Variants in VPS26A observed in about 807,000 individuals in gnomAD.
VPS26A encodes VPS26 retromer complex component A, also known as vacuolar protein sorting-associated protein 26A.
VPS26A carries 22 observed loss-of-function variants against 42.4 expected under a neutral mutation model. That is an observed-to-expected ratio of 0.52 (90% CI 0.37 to 0.74). The LOEUF (loss-of-function observed/expected upper bound fraction) is 0.74, where lower values mean the gene tolerates loss of function less well. Among genes scored for constraint, VPS26A ranks in the 30% least tolerant of loss-of-function variants. The pLI is 0.00. For missense variants in VPS26A, 276 were observed against 379.2 expected (o/e 0.73, Z 2.26); for synonymous variants, 110 against 123.5 (o/e 0.89, Z 0.73).
chr10:69,164,805 ATGTATCACC>A (rs1411300594), intron 6 of VPS26A, among the ~76,000 whole-genome samples: 1 of 152,132 alleles, frequency 6.6e-6, no homozygotes, highest in Non-Finnish European at 1.5e-5. Flanking sequence ...GAGGTGAGGT[ATGTATCACC>A]TTTACTTTTT....
intron 2 of VPS26A, among the ~76,000 whole-genome samples, chr10:69,148,234 T>C (rs1841208361): frequency 6.6e-6 from 1 of 152,258 alleles, no homozygotes; most frequent in African/African-American, 2.4e-5. Flanking sequence ...TTCTCTACTT[T>C]CATTTGTAAG....
At position 69,174,146 on chromosome 10, in the gene VPS26A, TTGC is replaced by T. The variant is rs1841881298; in HGVS notation, c.*2885_*2887del. Among the ~76,000 whole-genome samples the T allele has an allele frequency of 6.6e-6, 1 of 152,234 alleles. No individual in the cohort carries two copies. The highest frequency in any genetic ancestry group is 2.1e-4 in the South Asian group (1 of 4,834). On this transcript the variant is annotated 3_prime_UTR_variant, in exon 9 of 9. Transcript: ENST00000263559. The stretch of plus-strand genomic sequence containing the variant: ...GTTCTTTCACTCTTCACGATACATC[TTGC>T]TGCTGCTCACTCTGGGCCTGTGCCA...
intron 7 of VPS26A, among the ~76,000 whole-genome samples, chr10:69,167,444 GAAAAAA>G (rs148169430): frequency 0.081 from 6,252 of 77,490 alleles, 452 homozygotes; most frequent in African/African-American, 0.2. Context: ...AAAAGAAAAA[GAAAAAA>G]AAAAGCCAGG....
At position 69,158,137 on chromosome 10, in the gene VPS26A, T is replaced by C; in HGVS notation, c.477T>C (p.Asp159=). ...TTCACCAGCTTGCCACCTATCCTGA[T>C]GTTAACAACTCTATTAAGATGGAAG... ...LIVHQLATYP[D]VNNSIKMEVG... The change falls in exon 5 of 9, where the codon GAT becomes GAC. Residue 159 remains aspartate (D), a synonymous_variant. Coordinates refer to ENST00000263559, the MANE Select transcript of VPS26A (RefSeq NM_004896.5). 6.2e-7 allele frequency: 1 copy of C among 1,613,272 alleles called. No homozygotes were observed. The highest frequency in any genetic ancestry group is 1.7e-5 in the Admixed American group (1 of 59,930).
At chr10:69,164,880 G>T (rs965954399) in intron 6 of VPS26A, among the ~76,000 whole-genome samples, 38 of 150,478 alleles carry the variant, frequency 2.5e-4, no homozygotes, top group South Asian at 6.2e-4. Context: ...CCTGCTTTTT[G>T]ATTTTAATAT....
At chr10:69,136,860 C>T (rs902096728) in intron 2 of VPS26A, among the ~76,000 whole-genome samples, 13 of 151,850 alleles carry the variant, frequency 8.6e-5, no homozygotes, top group South Asian at 2.1e-4. Flanking sequence ...GGCGTGATCT[C>T]GGCTCACTGC....
chr10:69,154,901 G>A (rs569415831), intron 2 of VPS26A, among the ~76,000 whole-genome samples: 8 of 151,900 alleles, frequency 5.3e-5, no homozygotes, highest in African/African-American at 1.7e-4. Context: ...GCGCACGTGC[G>A]TGCACATATA....
intron 2 of VPS26A, among the ~76,000 whole-genome samples, chr10:69,142,045 G>A (rs1445478558): frequency 4.0e-5 from 6 of 151,770 alleles, no homozygotes; most frequent in African/African-American, 1.5e-4. Flanking sequence ...CACCACGCCC[G>A]GCTAATTTTT....
chr10:69,162,940 AAAG>A (rs1361186882), intron 6 of VPS26A, among the ~76,000 whole-genome samples: 1 of 152,122 alleles, frequency 6.6e-6, no homozygotes, highest in African/African-American at 2.4e-5. Context: ...ATTCCAAAAA[AAAG>A]AAAAACAAAA....
chr10:69,149,971 C>G lies in VPS26A; in HGVS notation c.154-5841C>G, dbSNP rs1278804478. On this transcript the variant is annotated intron_variant, in intron 2 of 8. Coordinates refer to ENST00000263559, the MANE Select transcript of VPS26A (RefSeq NM_004896.5). Reference sequence around the variant, plus strand: ...GTGGGCCAGGCTGGTCTCTTAACTCCTGACCTCAAGTGATCCACCTGCCTT... The same window carrying G: ...GTGGGCCAGGCTGGTCTCTTAACTCGTGACCTCAAGTGATCCACCTGCCTT... Among the ~76,000 whole-genome samples the G allele has an allele frequency of 3.3e-5, 5 of 152,034 alleles. No individual in the cohort carries two copies. The East Asian group carries it at 9.7e-4, about 29-fold the overall frequency.
intron 3 of VPS26A, among the ~76,000 whole-genome samples, 159 bp downstream of exon 3, chr10:69,156,046 TTG>T (rs778874584): frequency 6.6e-6 from 1 of 152,190 alleles, no homozygotes. Context: ...CTATATTAAA[TTG>T]TGTTTCTTTG....
At chr10:69,167,058 C>T (rs12245134) in intron 7 of VPS26A, among the ~76,000 whole-genome samples, 6,199 of 143,792 alleles carry the variant, frequency 0.043, 450 homozygotes, top group African/African-American at 0.15. Context: ...ACCTGGGAGG[C>T]GGAGGTTGCA....
At chr10:69,150,787 G>GTA (rs1256002058) in intron 2 of VPS26A, among the ~76,000 whole-genome samples, 3 of 152,118 alleles carry the variant, frequency 2.0e-5, no homozygotes, top group Non-Finnish European at 4.4e-5. Context: ...GTGGAAAAAA[G>GTA]TATATATATG....
In VPS26A at chr10:69,173,379, C is replaced by G. The variant is rs1199958342; in HGVS notation, c.*2110C>G. Among the ~76,000 whole-genome samples the G allele has an allele frequency of 6.6e-6, 1 of 152,168 alleles. No homozygotes were observed. Among genetic ancestry groups the G allele is most frequent in the African/African-American group, 2.4e-5 (1 of 41,436 alleles). ...CTCAAAAAAATACCTGTCATCTCAG[C>G]CACTTCAGGAGTCTGAGGCGGAAGG... On this transcript the variant is annotated 3_prime_UTR_variant, in exon 9 of 9. Transcript: ENST00000263559.
chr10:69,135,976 C>G (rs962340736), intron 2 of VPS26A, among the ~76,000 whole-genome samples: 1 of 152,150 alleles, frequency 6.6e-6, no homozygotes, highest in Admixed American at 6.5e-5. Flanking sequence ...TAGTCTTGCT[C>G]ATTTAAGAAA....
At chr10:69,136,976 G>A (rs1220842794) in intron 2 of VPS26A, among the ~76,000 whole-genome samples, 2 of 151,796 alleles carry the variant, frequency 1.3e-5, no homozygotes, top group Non-Finnish European at 2.9e-5. Flanking sequence ...ATTTTTAGTA[G>A]AGATGGCGTT....
intron 2 of VPS26A, among the ~76,000 whole-genome samples, chr10:69,148,094 T>G (rs2132213155): frequency 6.6e-6 from 1 of 152,298 alleles, no homozygotes; most frequent in South Asian, 2.1e-4. Context: ...ATGAAATAGC[T>G]ACTGTCACAA....
At chr10:69,154,568 A>G (rs1841388804) in intron 2 of VPS26A, among the ~76,000 whole-genome samples, 1 of 151,306 alleles carries the variant, frequency 6.6e-6, no homozygotes, top group African/African-American at 2.4e-5. Flanking sequence ...TATAGATCTT[A>G]AAGATGAGTT....
chr10:69,173,902 C>CAGG lies in VPS26A; in HGVS notation c.*2635_*2636insGAG, dbSNP rs77393767. 0.22 allele frequency among the ~76,000 whole-genome samples: 33,993 copies of CAGG among 151,896 alleles called. 4,064 individuals are homozygous for CAGG. The highest frequency in any genetic ancestry group is 0.25 in the African/African-American group (10,507 of 41,390). ...ATCCCAGCTACTAGGGAGGCTGAGG[C>CAGG]AGAATTGCTTGAACCCGGGAGGCAG... is the stretch of plus-strand genomic sequence containing the variant. On this transcript the variant is annotated 3_prime_UTR_variant, in exon 9 of 9. Coordinates refer to ENST00000263559, the MANE Select transcript of VPS26A (RefSeq NM_004896.5).
Sources: allele counts gnomAD v4.1 joint callset (sites outside exome capture counted in the v4.1 genomes callset), GRCh38; gene constraint gnomAD v4.1.1; transcripts MANE v1.5; gene names NCBI Gene and HGNC (gene_info 2026-07-23, HGNC 2026-07-21).